Variants in TTC34 observed in about 807,000 individuals in gnomAD.
TTC34 encodes tetratricopeptide repeat domain 34.
TTC34 carries 44 observed loss-of-function variants against 40.7 expected under a neutral mutation model. The observed-to-expected ratio is 1.08, with a 90% CI of 0.85 to 1.39. TTC34 has a LOEUF of 1.39. TTC34 is among the 40% of genes most tolerant of loss of function. TTC34 has a pLI of 0.00. For missense variants in TTC34, 884 were observed against 838.0 expected (o/e 1.05, Z -0.68); for synonymous variants, 422 against 398.6 (o/e 1.06, Z -0.70).
intron 6 of TTC34, among the ~76,000 whole-genome samples, chr1:2,651,597 AC>A (rs1388679503): frequency 6.7e-6 from 1 of 149,058 alleles, no homozygotes; most frequent in Non-Finnish European, 1.5e-5. Context: ...AGCACCCCAC[AC>A]CCCCTGGTGA....
exon 9 of TTC34, chr1:2,641,802 T>C: frequency 6.5e-7 from 1 of 1,535,220 alleles, no homozygotes; most frequent in Non-Finnish European, 8.7e-7. Flanking sequence ...TGACAGGCAC[T>C]GCTGCCACTG....
intron 6 of TTC34, among the ~76,000 whole-genome samples, chr1:2,754,793 C>G (rs1248493092): frequency 7.6e-6 from 1 of 132,124 alleles, no homozygotes; most frequent in Admixed American, 7.6e-5. Flanking sequence ...AGGTGAGCAT[C>G]TGACAGCCTG....
chr1:2,642,083 AG>A (rs1638919091), intron 8 of TTC34, among the ~76,000 whole-genome samples, 188 bp from the exon 9 acceptor site: 2 of 152,120 alleles, frequency 1.3e-5, no homozygotes, highest in Admixed American at 1.3e-4. Context: ...AAGGGCAGGA[AG>A]GGGGACCCAG....
At chr1:2,649,293 AG>A (rs1432540557) in intron 6 of TTC34, among the ~76,000 whole-genome samples, 1 of 152,030 alleles carries the variant, frequency 6.6e-6, no homozygotes, top group African/African-American at 2.4e-5. Context: ...CTCCACCCTT[AG>A]GTGATCATTT....
chr1:2,643,811 GGTGAAATCCT>G lies in TTC34; in HGVS notation c.2712+443_2712+452del, dbSNP rs1257407807. Among the ~76,000 whole-genome samples the G allele has an allele frequency of 1.5e-4, 23 of 152,312 alleles. No individual in the cohort carries two copies. In the Middle Eastern group the frequency reaches 0.01, roughly 68 times the overall value. The stretch of plus-strand genomic sequence containing the variant: ...CGCTGGTGTCAGGAAGCATTAAGGA[GGTGAAATCCT>G]GCCCAGGCCCCACTGGGGTGTAGTT... On this transcript the variant is annotated intron_variant, in intron 8 of 8. Coordinates refer to ENST00000401095, the Ensembl canonical transcript of TTC34.
intron 6 of TTC34, among the ~76,000 whole-genome samples, chr1:2,748,883 T>C (rs1298655764): frequency 9.0e-3 from 41 of 4,574 alleles, no homozygotes; most frequent in Middle Eastern, 0.2. Flanking sequence ...ACCCACACCT[T>C]CAGGTGAGCA....
chr1:2,644,529 CGA>C (rs753953545), intron 7 of TTC34, 51 bp from the exon 8 acceptor site: 1 of 1,494,966 alleles, frequency 6.7e-7, no homozygotes, highest in Non-Finnish European at 9.0e-7. Flanking sequence ...GGCAGAGGTG[CGA>C]GAGAGCTGAG....
exon 8 of TTC34, chr1:2,644,345 C>T (rs964544247): frequency 6.5e-7 from 1 of 1,536,020 alleles, no homozygotes; most frequent in Non-Finnish European, 8.7e-7. Context: ...CGGCCAGGCT[C>T]TGCAGGTCCC....
chr1:2,690,774 A>C (rs1276009973), intron 6 of TTC34, among the ~76,000 whole-genome samples: 76 of 25,238 alleles, frequency 3.0e-3, no homozygotes, highest in Admixed American at 4.4e-3. Context: ...TGGAACAGCA[A>C]CCACACCACC....
intron 6 of TTC34, among the ~76,000 whole-genome samples, chr1:2,699,217 G>A (rs1356303323): frequency 2.6e-4 from 38 of 146,022 alleles, no homozygotes; most frequent in East Asian, 6.2e-4. Context: ...ACACCCCCAG[G>A]TGAGCATCTG....
chr1:2,646,580 C>T (rs1471152719), intron 6 of TTC34, among the ~76,000 whole-genome samples: 1 of 152,164 alleles, frequency 6.6e-6, no homozygotes, highest in Non-Finnish European at 1.5e-5. Context: ...CAAATGGGGT[C>T]TTGATATATT....
At chr1:2,700,035 C>A (rs1391566271) in intron 6 of TTC34, among the ~76,000 whole-genome samples, 2 of 123,046 alleles carry the variant, frequency 1.6e-5, no homozygotes, top group East Asian at 4.9e-4. Flanking sequence ...ATCTGATAGC[C>A]TGGAGCAGCG....
intron 6 of TTC34, among the ~76,000 whole-genome samples, chr1:2,777,751 G>T (rs893808767): frequency 6.6e-6 from 1 of 151,968 alleles, no homozygotes; most frequent in South Asian, 2.1e-4. Context: ...ATGACGGGGC[G>T]AGGGCCTGCT....
intron 6 of TTC34, among the ~76,000 whole-genome samples, chr1:2,750,026 C>T (rs1482868786): frequency 1.1e-5 from 1 of 88,928 alleles, no homozygotes; most frequent in African/African-American, 5.3e-5. Flanking sequence ...CATCCGACAG[C>T]CTGGAGCAGC....
At chr1:2,777,690 G>GGT (rs935776778) in intron 6 of TTC34, among the ~76,000 whole-genome samples, 2 of 110,588 alleles carry the variant, frequency 1.8e-5, no homozygotes, top group South Asian at 5.2e-4. Context: ...AGAGGGCATG[G>GGT]GGGGGGGGGC....
At chr1:2,759,790 G>GCAC (rs1641633584) in intron 6 of TTC34, among the ~76,000 whole-genome samples, 1 of 140,256 alleles carries the variant, frequency 7.1e-6, no homozygotes, top group Non-Finnish European at 1.5e-5. Flanking sequence ...GCCTGCAACA[G>GCAC]TACCCACACT....
intron 6 of TTC34, among the ~76,000 whole-genome samples, chr1:2,749,992 G>A (rs1377233154): frequency 4.7e-5 from 2 of 42,584 alleles, no homozygotes; most frequent in African/African-American, 1.2e-4. Context: ...ACACCCTGGA[G>A]CAGCACCCAC....
At chr1:2,757,802 G>C (rs1386232318) in intron 6 of TTC34, among the ~76,000 whole-genome samples, 2 of 148,116 alleles carry the variant, frequency 1.4e-5, no homozygotes, top group African/African-American at 5.0e-5. Context: ...CTTCCGGCGA[G>C]CATCCGACAG....
intron 6 of TTC34, among the ~76,000 whole-genome samples, chr1:2,687,130 G>C (rs1640398111): frequency 2.1e-5 from 3 of 145,428 alleles, no homozygotes; most frequent in South Asian, 2.1e-4. Flanking sequence ...CACACCCACA[G>C]GTGAGCATCT....
Sources: allele counts gnomAD v4.1 joint callset (sites outside exome capture counted in the v4.1 genomes callset), GRCh38; gene constraint gnomAD v4.1.1; transcripts MANE v1.5; gene names NCBI Gene and HGNC (gene_info 2026-07-23, HGNC 2026-07-21).